PRKN: variants seen among roughly 807,000 people sequenced by gnomAD.
The protein encoded by PRKN is parkin RBR E3 ubiquitin protein ligase, also known as E3 ubiquitin-protein ligase parkin.
Under a neutral mutation model 59.5 loss-of-function variants are expected in PRKN, and 56 were observed. The ratio of observed to expected loss-of-function variants is 0.94; its 90% CI spans 0.76 to 1.18. The LOEUF (loss-of-function observed/expected upper bound fraction) is 1.18, where lower values mean the gene tolerates loss of function less well. Among genes scored for constraint, PRKN ranks in the 50% most tolerant of loss-of-function variants. The probability of loss-of-function intolerance (pLI) is 0.00; values close to 1 mark genes in which losing one functional copy is unlikely to be tolerated. For missense variants in PRKN, 657 were observed against 596.4 expected (o/e 1.10, Z -1.06); for synonymous variants, 250 against 222.1 (o/e 1.13, Z -1.12).
chr6:162,596,204 C>T (rs1012710444), intron 1 of PRKN, among the ~76,000 whole-genome samples: 9 of 152,156 alleles, frequency 5.9e-5, no homozygotes, highest in African/African-American at 1.7e-4. Flanking sequence ...TATCTGCCCC[C>T]TTCCCGTGAA....
intron 7 of PRKN, among the ~76,000 whole-genome samples, chr6:161,666,664 T>C (rs1317502501): frequency 6.6e-6 from 1 of 152,210 alleles, no homozygotes; most frequent in Non-Finnish European, 1.5e-5. Flanking sequence ...CCAGAAATTA[T>C]GGTTGCTTTT....
chr6:161,431,528 CTCT>C (rs990972230), intron 9 of PRKN, among the ~76,000 whole-genome samples: 1 of 151,978 alleles, frequency 6.6e-6, no homozygotes, highest in Non-Finnish European at 1.5e-5. Context: ...TATTTTCCAC[CTCT>C]TATTAACAAC....
chr6:161,996,433 C>T (rs1046306206), intron 5 of PRKN, among the ~76,000 whole-genome samples: 4 of 152,096 alleles, frequency 2.6e-5, no homozygotes, highest in African/African-American at 4.8e-5. Context: ...CTTTAAACCC[C>T]GCTTATTTTC....
intron 2 of PRKN, among the ~76,000 whole-genome samples, chr6:162,419,159 T>C (rs1293355450): frequency 6.6e-6 from 1 of 152,094 alleles, no homozygotes; most frequent in African/African-American, 2.4e-5. Context: ...GATGTTCTAA[T>C]TACATCCTTA....
chr6:161,495,220 C>G (rs1777703403), intron 9 of PRKN, among the ~76,000 whole-genome samples: 1 of 152,184 alleles, frequency 6.6e-6, no homozygotes, highest in Admixed American at 6.6e-5. Flanking sequence ...TCCCTTCGGA[C>G]TACCCACATT....
At chr6:162,257,355 A>T (rs1013546152) in intron 3 of PRKN, among the ~76,000 whole-genome samples, 1 of 152,060 alleles carries the variant, frequency 6.6e-6, no homozygotes, top group Non-Finnish European at 1.5e-5. Flanking sequence ...ACCTTGTGAT[A>T]TAGTTTTAAA....
At chr6:162,308,319 T>C (rs1782326603) in intron 2 of PRKN, among the ~76,000 whole-genome samples, 1 of 152,164 alleles carries the variant, frequency 6.6e-6, no homozygotes, top group Non-Finnish European at 1.5e-5. Context: ...AAAAAACTTT[T>C]TGTGGGAAGA....
chr6:162,668,147 G>A (rs1001373368), intron 1 of PRKN, among the ~76,000 whole-genome samples: 8 of 152,166 alleles, frequency 5.3e-5, no homozygotes, highest in Non-Finnish European at 1.0e-4. Context: ...TTAAAGTAAG[G>A]AAGCAGATAT....
At chr6:161,542,997 A>G (rs777013382) in intron 9 of PRKN, among the ~76,000 whole-genome samples, 6 of 152,194 alleles carry the variant, frequency 3.9e-5, no homozygotes, top group Non-Finnish European at 8.8e-5. Flanking sequence ...AAGAAAAGTA[A>G]CCATTTTCTT....
chr6:161,629,192 C>T (rs950579175), intron 7 of PRKN, among the ~76,000 whole-genome samples: 2 of 152,042 alleles, frequency 1.3e-5, no homozygotes, highest in African/African-American at 2.4e-5. Flanking sequence ...TCCTTGAAGG[C>T]GTTTGCTCAA....
intron 6 of PRKN, among the ~76,000 whole-genome samples, chr6:161,941,496 TC>T (rs1235304038): frequency 1.3e-5 from 2 of 152,124 alleles, no homozygotes; most frequent in Non-Finnish European, 2.9e-5. Context: ...TCACTCTCAT[TC>T]TCCAAGGCCA....
In PRKN at chr6:161,462,269, T is replaced by G. The variant is rs1790257885; in HGVS notation, c.1084-75392A>C. 6.6e-6 allele frequency among the ~76,000 whole-genome samples: 1 copy of G among 152,238 alleles called. No individual in the cohort carries two copies. Among genetic ancestry groups the G allele is most frequent in the African/African-American group, 2.4e-5 (1 of 41,466 alleles). On this transcript the variant is annotated intron_variant, in intron 9 of 11. Coordinates refer to ENST00000366898, the MANE Select transcript of PRKN (RefSeq NM_004562.3). The surrounding 1 kb of genome is among the most constrained non-coding windows in gnomAD (Gnocchi z 4.5). ...CCTGAATCATTTACATCTAACAATG[T>G]TATCTAGACAGCATGCTTTTATTCT... is the stretch of plus-strand genomic sequence containing the variant.
intron 7 of PRKN, among the ~76,000 whole-genome samples, chr6:161,751,327 C>T (rs1788684328): frequency 6.6e-6 from 1 of 152,166 alleles, no homozygotes; most frequent in Non-Finnish European, 1.5e-5. Flanking sequence ...TTCACATTTC[C>T]TATCAATCAT....
At chr6:162,416,622 C>A (rs1788640394) in intron 2 of PRKN, among the ~76,000 whole-genome samples, 1 of 152,130 alleles carries the variant, frequency 6.6e-6, no homozygotes, top group Admixed American at 6.5e-5. Flanking sequence ...GTTTTCTCCA[C>A]CATTTTTGGT....
intron 2 of PRKN, among the ~76,000 whole-genome samples, chr6:162,361,606 C>G (rs751669988): frequency 6.6e-6 from 1 of 152,062 alleles, no homozygotes; most frequent in Non-Finnish European, 1.5e-5. Context: ...CTAATACCGA[C>G]AGACCAAGAG....
At chr6:162,281,942 G>T (rs1780929148) in intron 2 of PRKN, among the ~76,000 whole-genome samples, 1 of 152,066 alleles carries the variant, frequency 6.6e-6, no homozygotes, top group African/African-American at 2.4e-5. Flanking sequence ...GCATTAGTTA[G>T]ATTCTCGTAA....
chr6:162,542,924 A>T (rs916420342), intron 1 of PRKN, among the ~76,000 whole-genome samples: 4 of 151,966 alleles, frequency 2.6e-5, no homozygotes, highest in Non-Finnish European at 5.9e-5. Flanking sequence ...CCACTGATGG[A>T]CACCTCCAGC....
At chr6:162,017,464 T>C (rs543380080) in intron 5 of PRKN, among the ~76,000 whole-genome samples, 1 of 152,310 alleles carries the variant, frequency 6.6e-6, no homozygotes, top group African/African-American at 2.4e-5. Context: ...ATTATGTTCA[T>C]GTCATAAATA....
chr6:161,755,224 G>A lies in PRKN; in HGVS notation c.871+30548C>T, dbSNP rs750889912. On this transcript the variant is annotated intron_variant, in intron 7 of 11. Coordinates refer to ENST00000366898, the MANE Select transcript of PRKN (RefSeq NM_004562.3). ...GTAGGGGAGGTGCATGACAGAAAGC[G>A]TTTTGATTCTTTTTATCATCCATAC... Among the ~76,000 whole-genome samples the A allele has an allele frequency of 3.7e-4, 56 of 152,078 alleles. 1 individual carries two copies. The highest frequency in any genetic ancestry group is 1.6e-3 in the Admixed American group (24 of 15,272).
Sources: gnomAD v4.1 joint callset for allele counts (sites outside exome capture counted in the v4.1 genomes callset) on GRCh38, gnomAD v4.1.1 for gene constraint, Gnocchi (gnomAD v3.1) non-coding constraint, MANE v1.5 for transcripts, NCBI Gene and HGNC (gene_info 2026-07-23, HGNC 2026-07-21) for gene names.